The following VASH2 variants were observed in gnomAD, a reference collection of about 807,000 sequenced individuals.
The protein encoded by VASH2 is vasohibin 2.
VASH2 carries 28 observed loss-of-function variants against 37.2 expected under a neutral mutation model. The ratio of observed to expected loss-of-function variants is 0.75; its 90% CI spans 0.56 to 1.03. VASH2 has a LOEUF of 1.03. Among genes scored for constraint, VASH2 ranks in the 50% least tolerant of loss-of-function variants. The probability of loss-of-function intolerance (pLI) is 0.00; values close to 1 mark genes in which losing one functional copy is unlikely to be tolerated. For missense variants in VASH2, 419 were observed against 459.1 expected, an observed-to-expected ratio of 0.91 and a Z score of 0.80; for synonymous variants, 188 against 174.7, an observed-to-expected ratio of 1.08 and a Z score of -0.60.
chr1:212,960,193 G>C (rs1261337145), intron 2 of VASH2, among the ~76,000 whole-genome samples: 1 of 152,224 alleles, frequency 6.6e-6, no homozygotes. Flanking sequence ...AAATTCCTGA[G>C]AAGTGGGACC....
chr1:212,984,317 A>G (rs1330485635), intron 7 of VASH2, among the ~76,000 whole-genome samples: 1 of 152,212 alleles, frequency 6.6e-6, no homozygotes, highest in African/African-American at 2.4e-5. Context: ...TGAGGAATTA[A>G]GGTGAGTGGC....
At chr1:212,974,304 C>A (rs1667110569) in intron 7 of VASH2, among the ~76,000 whole-genome samples, 1 of 152,150 alleles carries the variant, frequency 6.6e-6, no homozygotes, top group South Asian at 2.1e-4. Context: ...AAGCCCCAGG[C>A]AGAATGAGGT....
chr1:212,981,089 G>A lies in VASH2; in HGVS notation c.995+7019G>A, dbSNP rs189793478. Among the ~76,000 whole-genome samples, 40 of 152,318 alleles carry A rather than the reference G, an allele frequency of 2.6e-4. No individual in the cohort carries two copies. The East Asian group carries it at 7.5e-3, about 29-fold the overall frequency. ...AGACAGGGTGAGGTTTCCTAGAGCT[G>A]AGGGGTTCTTGTCCCGGAAAGGAGA... On this transcript the variant is annotated intron_variant, in intron 7 of 7. Coordinates refer to ENST00000517399, the MANE Select transcript of VASH2 (RefSeq NM_001301056.2).
At chr1:212,975,578 C>T (rs550878385) in intron 7 of VASH2, among the ~76,000 whole-genome samples, 5 of 152,358 alleles carry the variant, frequency 3.3e-5, no homozygotes, top group African/African-American at 1.2e-4. Flanking sequence ...ATATCTCTCT[C>T]TGTCTTTGAT....
intron 6 of VASH2, 129 bp downstream of exon 6, chr1:212,973,090 C>A: frequency 1.7e-6 from 2 of 1,189,374 alleles, no homozygotes; most frequent in Non-Finnish European, 2.3e-6. Context: ...TCTCTCTTTG[C>A]ACATACTACT....
chr1:212,977,684 CAGAT>C (rs898834052), intron 7 of VASH2, among the ~76,000 whole-genome samples: 80 of 152,280 alleles, frequency 5.3e-4, no homozygotes, highest in African/African-American at 1.7e-3. Flanking sequence ...CAGCTGAGGA[CAGAT>C]AGATAGGCCC....
At position 212,991,120 on chromosome 1, in the gene VASH2, A is replaced by G. The variant is rs1477798059; in HGVS notation, c.*2536A>G. ...AATGAATGACAGAAATCTTGATTTT[A>G]GACTGTATGTTGTGCTGTTTTGAGT... On this transcript the variant is annotated 3_prime_UTR_variant, in exon 8 of 8. Coordinates refer to ENST00000517399, the MANE Select transcript of VASH2 (RefSeq NM_001301056.2). The G allele has an allele frequency of 6.6e-6, 1 of 151,142 alleles. No individual in the cohort carries two copies. Among genetic ancestry groups the G allele is most frequent in the Non-Finnish European group, 1.5e-5 (1 of 67,884 alleles). The allele number at this position is 151,142 out of a possible 1,614,324, so 9.4% of individuals were successfully genotyped here. A position where few individuals can be genotyped will look rare whatever the true frequency, so the allele number is the denominator to read the frequency against.
intron 5 of VASH2, among the ~76,000 whole-genome samples, chr1:212,970,721 C>G (rs1204697720): frequency 6.6e-6 from 1 of 152,066 alleles, no homozygotes; most frequent in Admixed American, 6.6e-5. Flanking sequence ...GAAACCCCGT[C>G]TTTACTAAAA....
chr1:212,973,407 T>A (rs1490983198), intron 6 of VASH2: 2 of 1,291,730 alleles, frequency 1.5e-6, no homozygotes, highest in African/African-American at 3.0e-5. Context: ...GATTCCCGCT[T>A]GTCCATGTCC....
intron 5 of VASH2, chr1:212,967,241 G>T: frequency 7.7e-7 from 1 of 1,297,544 alleles, no homozygotes; most frequent in Non-Finnish European, 1.0e-6. Context: ...CATATTGGTG[G>T]TGATGACCAC....
At chr1:212,985,482 C>T (rs1165594472) in intron 7 of VASH2, among the ~76,000 whole-genome samples, 4 of 150,404 alleles carry the variant, frequency 2.7e-5, no homozygotes, top group Non-Finnish European at 5.9e-5. Flanking sequence ...TGCAGTGGCA[C>T]GATCTTGGCT....
At position 212,971,678 on chromosome 1, in the gene VASH2, TAG is replaced by T. The variant is rs1368452253; in HGVS notation, c.498-897_498-896del. The stretch of plus-strand genomic sequence containing the variant: ...AGCAAGTACAAAACTGCTTTCTTTC[TAG>T]AGAGTGGAGGCATCCGTGATTAAAC... On this transcript the variant is annotated intron_variant, in intron 5 of 7. Coordinates refer to ENST00000517399, the MANE Select transcript of VASH2 (RefSeq NM_001301056.2). This position sits in a 1 kb window ranked among gnomAD's most constrained non-coding sequence, Gnocchi z 4.0. Among the ~76,000 whole-genome samples the T allele has an allele frequency of 6.6e-6, 1 of 152,180 alleles. No homozygotes were observed. The highest frequency in any genetic ancestry group is 1.5e-5 in the Non-Finnish European group (1 of 68,034).
intron 3 of VASH2, 36 bp downstream of exon 3, chr1:212,961,290 A>G: frequency 6.2e-7 from 1 of 1,613,914 alleles, no homozygotes; most frequent in South Asian, 1.1e-5. Context: ...ACACCCAGCC[A>G]GGGGACAGGC....
In VASH2 at chr1:212,971,294, TC is replaced by T. The variant is rs2102642960; in HGVS notation, c.498-1285del. 6.6e-6 allele frequency among the ~76,000 whole-genome samples: 1 copy of T among 152,328 alleles called. No homozygotes were observed. The highest frequency in any genetic ancestry group is 1.9e-4 in the East Asian group (1 of 5,178). ...ACCTGCTGGGGTCGCTGCTTTCAAT[TC>T]TTTTGGGTATGCACCCAGAAGTGGA... On this transcript the variant is annotated intron_variant, in intron 5 of 7. Coordinates refer to ENST00000517399, the MANE Select transcript of VASH2 (RefSeq NM_001301056.2). The surrounding 1 kb of genome is among the most constrained non-coding windows in gnomAD (Gnocchi z 4.0).
At chr1:212,953,553 G>C (rs760895640) in intron 2 of VASH2, among the ~76,000 whole-genome samples, 3 of 152,214 alleles carry the variant, frequency 2.0e-5, no homozygotes, top group Non-Finnish European at 2.9e-5. Context: ...AATGTTATGA[G>C]AGAGTGCTCT....
rs1411627519 is a variant in VASH2 at position 212,973,944 on chromosome 1, A to G, written c.880-11A>G. The G allele has an allele frequency of 2.5e-6, 4 of 1,612,724 alleles. No homozygotes were observed. The highest frequency in any genetic ancestry group is 3.4e-6 in the Non-Finnish European group (4 of 1,179,362). On this transcript the variant is annotated splice_polypyrimidine_tract_variant and intron_variant, in intron 6 of 7. Coordinates refer to ENST00000517399, the MANE Select transcript of VASH2 (RefSeq NM_001301056.2). ...GGAACCAGGGTGATTAACTCCTCACATCTCCTTCAGATCCTGAAACCTGCA... is the reference window on the plus strand; with the variant it reads ...GGAACCAGGGTGATTAACTCCTCACGTCTCCTTCAGATCCTGAAACCTGCA...
intron 3 of VASH2, 163 bp downstream of exon 3, chr1:212,961,417 G>C: frequency 1.4e-6 from 2 of 1,453,036 alleles, no homozygotes; most frequent in Middle Eastern, 2.4e-4. Flanking sequence ...AAGAGTGTGC[G>C]TGGAGGTTGT....
At chr1:212,968,241 A>G (rs1384145842) in intron 5 of VASH2, 2 of 985,466 alleles carry the variant, frequency 2.0e-6, no homozygotes, top group East Asian at 2.3e-4. Flanking sequence ...TTACTGTTCA[A>G]TAAGTGAAAG....
chr1:212,974,168 T>C (rs1026575451), intron 7 of VASH2, 98 bp downstream of exon 7: 1 of 1,403,190 alleles, frequency 7.1e-7, no homozygotes, highest in Admixed American at 2.7e-5. Flanking sequence ...GGGCATGGCA[T>C]TTGAACCTGA....
Sources: gnomAD v4.1 joint callset for allele counts (sites outside exome capture counted in the v4.1 genomes callset) on GRCh38, gnomAD v4.1.1 for gene constraint, Gnocchi (gnomAD v3.1) non-coding constraint, MANE v1.5 for transcripts, NCBI Gene and HGNC (gene_info 2026-07-23, HGNC 2026-07-21) for gene names.